The following DLG2 variants were observed in gnomAD, a reference collection of about 807,000 sequenced individuals.
DLG2 encodes the protein discs large MAGUK scaffold protein 2, also known as disks large homolog 2.
A neutral mutation model predicts 132.5 loss-of-function variants in DLG2; 45 were observed. The observed-to-expected ratio is 0.34, with a 90% CI of 0.27 to 0.44. DLG2 has a LOEUF of 0.44. Ranked by LOEUF, DLG2 falls within the 20% of genes least tolerant of loss-of-function variation. The pLI, the probability that DLG2 is intolerant of heterozygous loss-of-function variation, is 1.00. For missense variants in DLG2, 1,045 were observed against 1,196.9 expected (o/e 0.87, Z 1.87); for synonymous variants, 424 against 419.6 (o/e 1.01, Z -0.13).
chr11:84,717,127 A>G (rs2061328080), intron 6 of DLG2, among the ~76,000 whole-genome samples: 2 of 152,064 alleles, frequency 1.3e-5, no homozygotes, highest in African/African-American at 4.8e-5. Context: ...TAGAGCAAAC[A>G]GTTTTAGTGT....
chr11:85,278,602 A>C (rs2078040168), intron 4 of DLG2, among the ~76,000 whole-genome samples: 1 of 152,098 alleles, frequency 6.6e-6, no homozygotes, highest in Admixed American at 6.5e-5. Flanking sequence ...CTCTGCCTCA[A>C]AGAAAAAAAA....
At chr11:83,779,002 T>C (rs1220048182) in intron 18 of DLG2, among the ~76,000 whole-genome samples, 1 of 151,854 alleles carries the variant, frequency 6.6e-6, no homozygotes, top group Non-Finnish European at 1.5e-5. Context: ...TGGGAGAGAG[T>C]TGTGGAGAAA....
intron 17 of DLG2, among the ~76,000 whole-genome samples, chr11:83,805,908 G>A (rs1390774302): frequency 6.6e-6 from 1 of 152,070 alleles, no homozygotes; most frequent in Non-Finnish European, 1.5e-5. Flanking sequence ...TATTTTCCAA[G>A]GTCACTCAGT....
At chr11:84,728,338 T>C (rs7942386) in intron 6 of DLG2, among the ~76,000 whole-genome samples, 10,529 of 152,204 alleles carry the variant, frequency 0.069, 461 homozygotes, top group East Asian at 0.22. Context: ...TCTGCATCTA[T>C]TGAGATAATC....
At chr11:85,003,428 G>A (rs766530038) in intron 6 of DLG2, among the ~76,000 whole-genome samples, 2 of 151,960 alleles carry the variant, frequency 1.3e-5, no homozygotes, top group Admixed American at 6.6e-5. Flanking sequence ...TTTTTATTTC[G>A]ATTGTATTTG....
intron 4 of DLG2, among the ~76,000 whole-genome samples, chr11:85,186,066 T>C (rs988832112): frequency 2.0e-5 from 3 of 152,026 alleles, no homozygotes; most frequent in African/African-American, 7.2e-5. Context: ...CATTAAACTA[T>C]GAACTTTTTG....
At chr11:84,625,863 C>G (rs936837979) in intron 6 of DLG2, among the ~76,000 whole-genome samples, 4 of 152,146 alleles carry the variant, frequency 2.6e-5, no homozygotes, top group African/African-American at 9.7e-5. Context: ...AGAATAACCA[C>G]AAGTGCAGTC....
intron 7 of DLG2, among the ~76,000 whole-genome samples, chr11:84,442,671 G>T (rs113448509): frequency 6.6e-6 from 1 of 151,024 alleles, no homozygotes; most frequent in African/African-American, 2.5e-5. Context: ...TGCACATTCT[G>T]CACATGTATC....
chr11:85,434,604 C>A (rs754382498), intron 3 of DLG2, among the ~76,000 whole-genome samples: 1 of 152,096 alleles, frequency 6.6e-6, no homozygotes, highest in Non-Finnish European at 1.5e-5. Flanking sequence ...GACACATATA[C>A]CCTCCCAAGA....
chr11:85,587,886 C>G (rs1301647505), intron 3 of DLG2, among the ~76,000 whole-genome samples: 1 of 152,134 alleles, frequency 6.6e-6, no homozygotes, highest in African/African-American at 2.4e-5. Flanking sequence ...GTGGTGCTGA[C>G]TTGGTAGTGA....
chr11:84,896,279 T>C (rs912540771), intron 6 of DLG2, among the ~76,000 whole-genome samples: 2 of 152,036 alleles, frequency 1.3e-5, no homozygotes, highest in Admixed American at 6.6e-5. Context: ...TCCACTAATA[T>C]TGTGCCAAAG....
intron 16 of DLG2, among the ~76,000 whole-genome samples, chr11:83,836,128 G>C (rs1263529773): frequency 6.6e-6 from 1 of 152,154 alleles, no homozygotes; most frequent in African/African-American, 2.4e-5. Flanking sequence ...CTTGAAGACA[G>C]TCAGGAAGAA....
intron 11 of DLG2, among the ~76,000 whole-genome samples, chr11:84,042,843 G>A (rs1403076547): frequency 6.6e-6 from 1 of 151,788 alleles, no homozygotes; most frequent in Non-Finnish European, 1.5e-5. Context: ...GAGAACACAT[G>A]GACACATGGG....
intron 4 of DLG2, among the ~76,000 whole-genome samples, chr11:85,189,716 G>A (rs1408055225): frequency 6.6e-6 from 1 of 151,946 alleles, no homozygotes. Context: ...GTACCAAAAG[G>A]CATCTTTACT....
intron 6 of DLG2, among the ~76,000 whole-genome samples, chr11:84,942,264 C>T (rs1490834390): frequency 6.6e-6 from 1 of 151,760 alleles, no homozygotes; most frequent in Admixed American, 6.6e-5. Flanking sequence ...TTTTATTTTA[C>T]TAATTTGGGG....
chr11:84,438,736 C>G (rs979332960), intron 7 of DLG2, among the ~76,000 whole-genome samples: 2 of 152,150 alleles, frequency 1.3e-5, no homozygotes, highest in East Asian at 3.9e-4. Flanking sequence ...TAGCCCTTTG[C>G]CAGTCCTACC....
chr11:85,258,935 T>C (rs949020060), intron 4 of DLG2, among the ~76,000 whole-genome samples: 3 of 152,248 alleles, frequency 2.0e-5, no homozygotes, highest in Admixed American at 2.0e-4. Flanking sequence ...ATGACTATTT[T>C]CTGAAATTAT....
intron 14 of DLG2, among the ~76,000 whole-genome samples, chr11:83,932,635 C>T (rs2080530263): frequency 6.6e-6 from 1 of 152,012 alleles, no homozygotes; most frequent in African/African-American, 2.4e-5. Flanking sequence ...GAAAGTACAA[C>T]ATAGGCTACA....
intron 14 of DLG2, among the ~76,000 whole-genome samples, chr11:83,931,850 G>C (rs1208944281): frequency 6.6e-6 from 1 of 152,124 alleles, no homozygotes; most frequent in African/African-American, 2.4e-5. Context: ...CCTTCAGGAT[G>C]GTTTCATAGT....
Sources: gnomAD v4.1 joint callset for allele counts (sites outside exome capture counted in the v4.1 genomes callset) on GRCh38, gnomAD v4.1.1 for gene constraint, MANE v1.5 for transcripts, NCBI Gene and HGNC (gene_info 2026-07-23, HGNC 2026-07-21) for gene names.